DYDC1: variants seen among roughly 807,000 people sequenced by gnomAD.
DYDC1 encodes the protein DPY30 domain-containing protein 1.
A neutral mutation model predicts 27.9 loss-of-function variants in DYDC1; 21 were observed. The observed-to-expected ratio is 0.75, with a 90% CI of 0.53 to 1.08. DYDC1 has a LOEUF of 1.08. Among genes scored for constraint, DYDC1 ranks in the 50% least tolerant of loss-of-function variants. DYDC1 has a pLI of 0.00. For missense variants in DYDC1, 202 were observed against 205.9 expected, an observed-to-expected ratio of 0.98 and a Z score of 0.12; for synonymous variants, 67 against 65.8, an observed-to-expected ratio of 1.02 and a Z score of -0.09.
chr10:80,339,604 A>G (rs1050367131), intron 4 of DYDC1, among the ~76,000 whole-genome samples: 2 of 152,160 alleles, frequency 1.3e-5, no homozygotes, highest in African/African-American at 2.4e-5. Context: ...GACCTGAGCA[A>G]TGCCCTCTTT....
At chr10:80,356,213 C>A in intron 1 of DYDC1, 1 of 973,958 alleles carries the variant, frequency 1.0e-6, no homozygotes, top group Non-Finnish European at 1.2e-6. Flanking sequence ...AGGATAATAC[C>A]CATCTCTCCT....
intron 3 of DYDC1, among the ~76,000 whole-genome samples, chr10:80,344,213 A>G (rs1842478867): frequency 6.6e-6 from 1 of 152,248 alleles, no homozygotes; most frequent in Non-Finnish European, 1.5e-5. Context: ...GGGTTCCAAG[A>G]GGCTCATTTG....
rs374043099 is a variant in DYDC1 at position 80,338,459 on chromosome 10, A to G, written c.504+8T>C. On this transcript the variant is annotated splice_region_variant and intron_variant, in intron 6 of 6. Transcript: ENST00000372202. Reference sequence around the variant, plus strand: ...ACGAGTTTTTTCACAAAACACACTGATACTGACATCAGAAAACATTGGTTC... The same window carrying G: ...ACGAGTTTTTTCACAAAACACACTGGTACTGACATCAGAAAACATTGGTTC... The G allele has an allele frequency of 1.2e-6, 2 of 1,612,212 alleles. No homozygotes were observed. The highest frequency in any genetic ancestry group is 1.7e-6 in the Non-Finnish European group (2 of 1,179,396).
chr10:80,338,623 T>A (rs1255388716), intron 5 of DYDC1, 52 bp from the exon 6 acceptor site: 3 of 1,443,442 alleles, frequency 2.1e-6, no homozygotes, highest in Non-Finnish European at 2.7e-6. Flanking sequence ...AATTAATACA[T>A]TACTTTTCTT....
intron 1 of DYDC1, chr10:80,356,296 G>A: frequency 1.0e-6 from 1 of 985,614 alleles, no homozygotes. Context: ...CTTTCCCACA[G>A]AAACAGCTGC....
In DYDC1 at chr10:80,354,129, A is replaced by AT. The variant is rs1554846405; in HGVS notation, c.-9-1520_-9-1519insA. Among the ~76,000 whole-genome samples the AT allele has an allele frequency of 2.9e-3, 434 of 147,652 alleles. 2 individuals are homozygous for AT. Among genetic ancestry groups the AT allele is most frequent in the Non-Finnish European group, 3.1e-3 (209 of 67,060 alleles). On this transcript the variant is annotated intron_variant, in intron 1 of 6. Coordinates refer to ENST00000372202, the MANE Select transcript of DYDC1 (RefSeq NM_001269053.2). ...AGACTCTGTCTCATATATAAAAAAA[A>AT]ATATATATATATATATTTTTTCCTG... is the stretch of plus-strand genomic sequence containing the variant.
chr10:80,355,088 C>A, intron 1 of DYDC1, among the ~76,000 whole-genome samples: 1 of 144,650 alleles, frequency 6.9e-6, no homozygotes. Context: ...GCTAAGCTTA[C>A]ATTTACTGAA....
chr10:80,339,385 T>A (rs762348662), intron 4 of DYDC1, among the ~76,000 whole-genome samples: 2 of 152,176 alleles, frequency 1.3e-5, no homozygotes, highest in African/African-American at 4.8e-5. Flanking sequence ...AAATAAAAGT[T>A]TTTTAAAAAT....
chr10:80,349,409 G>C (rs1842856663), intron 3 of DYDC1, among the ~76,000 whole-genome samples: 1 of 151,946 alleles, frequency 6.6e-6, no homozygotes, highest in Admixed American at 6.6e-5. Context: ...ATGCCATAAT[G>C]CCTTCATAAT....
intron 1 of DYDC1, chr10:80,356,419 AG>A: frequency 1.0e-6 from 1 of 985,560 alleles, no homozygotes; most frequent in Non-Finnish European, 1.2e-6. Context: ...CAGGGGTGCC[AG>A]ATACAGTATT....
chr10:80,342,283 C>A lies in DYDC1; in HGVS notation c.328G>T (p.Glu110Ter). The change falls in exon 4 of 7, where the codon GAA (glutamate) becomes TAA (stop). Residue 110 changes from glutamate (E) to a stop codon, truncating the protein, a stop_gained. Coordinates refer to ENST00000372202, the MANE Select transcript of DYDC1 (RefSeq NM_001269053.2). LOFTEE classifies it high-confidence loss of function. Reference sequence around the variant, plus strand: ...CTTCAAATTACCTTGCCTAATTGTTCTTGAGCTCTCTGTAGTTCTTGTATT... The same window carrying A: ...CTTCAAATTACCTTGCCTAATTGTTATTGAGCTCTCTGTAGTTCTTGTATT... Reference protein sequence around the residue: ...QRIQELQRAQEQLGKEMRMNM... With the variant: ...QRIQELQRAQ 6.2e-7 allele frequency: 1 copy of A among 1,613,696 alleles called. No homozygotes were observed. Among genetic ancestry groups the A allele is most frequent in the Admixed American group, 1.7e-5 (1 of 59,988 alleles).
chr10:80,336,047 GAA>G (rs953546673), downstream of DYDC1: 4 of 695,414 alleles, frequency 5.8e-6, no homozygotes, highest in East Asian at 2.9e-5. Flanking sequence ...GTCCTTAGAG[GAA>G]AAAAAAAGGG....
At position 80,338,463 on chromosome 10, in the gene DYDC1, T is replaced by C. The variant is rs139919518; in HGVS notation, c.504+4A>G. ...GTTTTTTCACAAAACACACTGATAC[T>C]GACATCAGAAAACATTGGTTCATCA... On this transcript the variant is annotated splice_donor_region_variant and intron_variant, in intron 6 of 6. Transcript: ENST00000372202. The C allele has an allele frequency of 1.2e-6, 2 of 1,612,286 alleles. No individual in the cohort carries two copies. The highest frequency in any genetic ancestry group is 2.7e-5 in the African/African-American group (2 of 74,974).
intron 3 of DYDC1, among the ~76,000 whole-genome samples, chr10:80,349,133 C>A (rs61859195): frequency 0.19 from 28,973 of 152,114 alleles, 3,292 homozygotes; most frequent in South Asian, 0.44. Flanking sequence ...CCCTGTGATC[C>A]GCCCGCCTCG....
Position 80,352,001 on chromosome 10 carries a change from C to A in DYDC1, c.149G>T (p.Arg50Ile). The A allele has an allele frequency of 6.2e-7, 1 of 1,613,808 alleles. No homozygotes were observed. The highest frequency in any genetic ancestry group is 1.1e-5 in the South Asian group (1 of 91,030). Residue 50 changes from arginine to isoleucine, a missense_variant and splice_region_variant, in exon 3 of 7, where the codon AGA becomes ATA. Arg to Ile is a moderately conservative substitution (Grantham distance 97). Coordinates refer to ENST00000372202, the MANE Select transcript of DYDC1 (RefSeq NM_001269053.2). Reference sequence around the variant, plus strand: ...CTCCAGCTTGGCCATTTCCTTTTGTCTCTAGCATTGTTTAAAAACAACAGC... The same window carrying A: ...CTCCAGCTTGGCCATTTCCTTTTGTATCTAGCATTGTTTAAAAACAACAGC... ...YKENVTMEQL[R>I]QKEMAKLERE...
At chr10:80,338,631 C>A (rs1045007417) in intron 5 of DYDC1, 60 bp from the exon 6 acceptor site, 72 of 1,418,122 alleles carry the variant, frequency 5.1e-5, no homozygotes, top group African/African-American at 1.5e-5. Flanking sequence ...CATTACTTTT[C>A]TTTCAATTTT....
At chr10:80,338,674 T>G in intron 5 of DYDC1, 103 bp from the exon 6 acceptor site, 1 of 1,197,746 alleles carries the variant, frequency 8.3e-7, no homozygotes, top group Non-Finnish European at 1.1e-6. Flanking sequence ...AACATTAAAA[T>G]TCAACATTAT....
chr10:80,356,235 T>C, intron 1 of DYDC1: 1 of 983,860 alleles, frequency 1.0e-6, no homozygotes, highest in East Asian at 1.1e-4. Flanking sequence ...TGGTAAGCAA[T>C]GTTATTTTTC....
chr10:80,346,484 G>A (rs1182676253), intron 3 of DYDC1, among the ~76,000 whole-genome samples: 4 of 78,104 alleles, frequency 5.1e-5, no homozygotes, highest in Non-Finnish European at 8.6e-5. Context: ...TTTTTGAGAC[G>A]GAGTCTCACT....
Sources: allele counts gnomAD v4.1 joint callset (sites outside exome capture counted in the v4.1 genomes callset), GRCh38; gene constraint gnomAD v4.1.1; transcripts MANE v1.5; gene names NCBI Gene and HGNC (gene_info 2026-07-23, HGNC 2026-07-21).